The following PHF3 variants were observed in gnomAD, a reference collection of about 807,000 sequenced individuals.
PHF3 encodes the protein PHD finger protein 3.
Under a neutral mutation model 178.4 loss-of-function variants are expected in PHF3, and 41 were observed. That is an observed-to-expected ratio of 0.23 (90% CI 0.18 to 0.30). The LOEUF is 0.30. Ranked by LOEUF, PHF3 falls within the 10% of genes least tolerant of loss-of-function variation. PHF3 has a pLI of 1.00. For synonymous variants in PHF3, 842 were observed against 800.5 expected, an observed-to-expected ratio of 1.05 and a Z score of -0.88; for missense variants, 2,346 against 2,398.1, an observed-to-expected ratio of 0.98 and a Z score of 0.45.
chr6:63,645,631 G>T (rs895439565), intron 1 of PHF3, among the ~76,000 whole-genome samples: 3 of 151,820 alleles, frequency 2.0e-5, no homozygotes, highest in Non-Finnish European at 4.4e-5. Context: ...AACTTTTTTC[G>T]GTTGACTTTC....
rs751192467 is a variant in PHF3, at chr6:63,712,149, A to C, written c.4561A>C (p.Lys1521Gln). Reference sequence around the variant, plus strand: ...TGTGGAAGTAACTGATGGTGAAAACAAGGAGATAAAAGTTAAAGTAGATAA... The same window carrying C: ...TGTGGAAGTAACTGATGGTGAAAACCAGGAGATAAAAGTTAAAGTAGATAA... ...DNVEVTDGEN[K>Q]EIKVKVDNIS... Residue 1521 changes from lysine (K) to glutamine (Q), a missense_variant, in exon 16 of 16, where the codon AAG becomes CAG. Coordinates refer to ENST00000262043, the MANE Select transcript of PHF3 (RefSeq NM_001370348.2). The C allele has an allele frequency of 3.1e-6, 5 of 1,613,232 alleles. No homozygotes were observed. Among genetic ancestry groups the C allele is most frequent in the Non-Finnish European group, 4.2e-6 (5 of 1,179,670 alleles).
rs200726718 is a variant in PHF3 at position 63,713,052 on chromosome 6, A to G, written c.5464A>G (p.Asn1822Asp). The change falls in exon 16 of 16, where the codon AAT (asparagine) becomes GAT (aspartate). Residue 1822 changes from asparagine to aspartate, a missense_variant. By Grantham distance (23) the Asn-to-Asp change is conservative. Around this residue, in one of 8 missense-constraint regions of PHF3, gnomAD observed 839 missense variants for 806.9 expected, o/e 1.04. Transcript: ENST00000262043. ...PPGFPFPGPP[N>D]FPPQSMFGFP... Reference sequence around the variant, plus strand: ...TGGATTTCCATTTCCAGGGCCTCCTAATTTTCCCCCACAAAGCATGTTTGG... The same window carrying G: ...TGGATTTCCATTTCCAGGGCCTCCTGATTTTCCCCCACAAAGCATGTTTGG... The G allele has an allele frequency of 1.2e-6, 2 of 1,613,844 alleles. No homozygotes were observed. Among genetic ancestry groups the G allele is most frequent in the South Asian group, 1.1e-5 (1 of 91,070 alleles).
At chr6:63,672,183 G>A (rs981985786) in intron 2 of PHF3, among the ~76,000 whole-genome samples, 1 of 152,146 alleles carries the variant, frequency 6.6e-6, no homozygotes, top group Non-Finnish European at 1.5e-5. Context: ...TAATTAGTGG[G>A]CTGTATAAAT....
chr6:63,645,153 C>G (rs185272461), intron 1 of PHF3, among the ~76,000 whole-genome samples: 1 of 152,144 alleles, frequency 6.6e-6, no homozygotes, highest in East Asian at 1.9e-4. Flanking sequence ...GCTAGGAATA[C>G]AGGCATGAGC....
rs988990074 is a variant in PHF3, at chr6:63,720,452, A to G, written c.*6744A>G. 3.7e-5 allele frequency: 22 copies of G among 602,378 alleles called. No homozygotes were observed. The highest frequency in any genetic ancestry group is 2.1e-4 in the African/African-American group (11 of 52,590). 37.3% of individuals were successfully genotyped at this position (602,378 alleles called of 1,614,324 possible). ...TCAGAACCTTCAGTGACATTTTACA[A>G]TCTTATCAAAAAGATATGTTAGCAT... On this transcript the variant is annotated 3_prime_UTR_variant, in exon 16 of 16. Transcript: ENST00000262043.
intron 2 of PHF3, among the ~76,000 whole-genome samples, chr6:63,657,978 T>C (rs758583567): frequency 1.3e-5 from 2 of 152,208 alleles, no homozygotes; most frequent in Admixed American, 1.3e-4. Context: ...ATGGTAACTG[T>C]CCTATTTCCT....
chr6:63,706,674 A>G (rs1767707573), intron 12 of PHF3, 55 bp from the exon 13 acceptor site: 2 of 1,545,016 alleles, frequency 1.3e-6, no homozygotes, highest in Non-Finnish European at 1.8e-6. Context: ...ATGACTAGGT[A>G]GGACATTGAT....
Position 63,706,999 on chromosome 6 carries a change from T to TC in PHF3, c.3711+125dup, listed in dbSNP as rs1767721798. ...TTTATTAACAATGATTTTTAAACAGTCCAAGTAATATAATTATGAATTAAC... is the reference window on the plus strand; with the variant it reads ...TTTATTAACAATGATTTTTAAACAGTCCCAAGTAATATAATTATGAATTAAC... On this transcript the variant is annotated intron_variant, in intron 13 of 15. Transcript: ENST00000262043. 3.8e-6 allele frequency: 3 copies of TC among 795,250 alleles called. No homozygotes were observed. In the East Asian group the frequency reaches 7.9e-5, roughly 21 times the overall value. The allele number at this position is 795,250 out of a possible 1,614,324, so 49.3% of individuals were successfully genotyped here. A position where few individuals can be genotyped will look rare whatever the true frequency, so the allele number is the denominator to read the frequency against.
At chr6:63,701,579 C>A (rs1249180348) in intron 9 of PHF3, among the ~76,000 whole-genome samples, 4 of 152,088 alleles carry the variant, frequency 2.6e-5, no homozygotes, top group African/African-American at 9.7e-5. Flanking sequence ...TTATCTGATT[C>A]TTTTGTTCAT....
rs1768504972 is a variant in PHF3 at position 63,723,798 on chromosome 6, ATTATTATTAT to A, written c.*10092_*10101del. ...ATAAGTACACATTGGCATTATTATT[ATTATTATTAT>A]TATTATTATTATTATTATTATTATT... On this transcript the variant is annotated 3_prime_UTR_variant, in exon 16 of 16. Transcript: ENST00000262043. Among the ~76,000 whole-genome samples the A allele has an allele frequency of 1.3e-5, 1 of 76,286 alleles. No individual in the cohort carries two copies. The highest frequency in any genetic ancestry group is 2.9e-5 in the Non-Finnish European group (1 of 34,356). 50.0% of individuals were successfully genotyped at this position (76,286 alleles called of 152,430 possible).
chr6:63,664,758 G>C (rs955078521), intron 2 of PHF3, among the ~76,000 whole-genome samples: 2 of 152,040 alleles, frequency 1.3e-5, no homozygotes, highest in Non-Finnish European at 2.9e-5. Context: ...CTGGTTCCAA[G>C]TTGAGCTTGA....
At position 63,706,666 on chromosome 6, in the gene PHF3, G is replaced by GACTAGGTAGGACATTGATTT; in HGVS notation, c.3564-61_3564-42dup. ...ACATGCTAAAATACGAGTAACTGAT[G>GACTAGGTAGGACATTGATTT]ACTAGGTAGGACATTGATTTATTCA... is the stretch of plus-strand genomic sequence containing the variant. On this transcript the variant is annotated intron_variant, in intron 12 of 15. Transcript: ENST00000262043. 3 of 1,494,548 alleles carry GACTAGGTAGGACATTGATTT rather than the reference G, an allele frequency of 2.0e-6. 1 individual carries two copies. Among genetic ancestry groups the GACTAGGTAGGACATTGATTT allele is most frequent in the Admixed American group, 3.9e-5 (2 of 51,692 alleles). The allele number at this position is 1,494,548 out of a possible 1,614,324, so 92.6% of individuals were successfully genotyped here.
intron 2 of PHF3, among the ~76,000 whole-genome samples, chr6:63,672,771 G>T (rs1228636971): frequency 6.6e-6 from 1 of 152,192 alleles, no homozygotes; most frequent in African/African-American, 2.4e-5. Flanking sequence ...GGGAGTATGT[G>T]CCTGTAACAA....
intron 2 of PHF3, among the ~76,000 whole-genome samples, chr6:63,676,947 G>A (rs554136017): frequency 2.0e-5 from 3 of 152,248 alleles, no homozygotes; most frequent in South Asian, 2.1e-4. Context: ...AGGATATGCC[G>A]ATAGCTTGGA....
Position 63,702,559 on chromosome 6 carries a change from A to G in PHF3, c.3151A>G (p.Thr1051Ala). The change falls in exon 10 of 16, where the codon ACC (threonine) becomes GCC (alanine). Residue 1051 changes from threonine (T) to alanine (A), a missense_variant. By Grantham distance (58) the Thr-to-Ala change is moderately conservative. Coordinates refer to ENST00000262043, the MANE Select transcript of PHF3 (RefSeq NM_001370348.2). ...EQREVERRPI[T>A]KITHKGEIEI... Reference sequence around the variant, plus strand: ...GAGAGAAGTGGAACGACGGCCAATCACCAAAATAACTCATAAAGGTGAAAT... The same window carrying G: ...GAGAGAAGTGGAACGACGGCCAATCGCCAAAATAACTCATAAAGGTGAAAT... The G allele has an allele frequency of 2.5e-6, 4 of 1,613,060 alleles. No homozygotes were observed. The highest frequency in any genetic ancestry group is 3.4e-6 in the Non-Finnish European group (4 of 1,179,262).
chr6:63,665,503 T>TTTC (rs1561950652), intron 2 of PHF3, among the ~76,000 whole-genome samples: 1 of 148,908 alleles, frequency 6.7e-6, no homozygotes, highest in Admixed American at 6.7e-5. Context: ...TTTTTTTTTT[T>TTTC]TGAGACAGAG....
At chr6:63,669,277 T>A (rs1765808115) in intron 2 of PHF3, among the ~76,000 whole-genome samples, 1 of 152,222 alleles carries the variant, frequency 6.6e-6, no homozygotes, top group Non-Finnish European at 1.5e-5. Flanking sequence ...ATTTAGCTTT[T>A]AACTGTTGAT....
At chr6:63,670,661 C>A (rs552528231) in intron 2 of PHF3, among the ~76,000 whole-genome samples, 1 of 152,178 alleles carries the variant, frequency 6.6e-6, no homozygotes, top group Non-Finnish European at 1.5e-5. Flanking sequence ...TGGAGGTTCT[C>A]ATCTGTTGAG....
intron 5 of PHF3, among the ~76,000 whole-genome samples, chr6:63,694,073 C>CATT (rs1767124687): frequency 1.3e-5 from 2 of 152,104 alleles, no homozygotes; most frequent in African/African-American, 4.8e-5. Flanking sequence ...CTTTCAGGAA[C>CATT]ATTAGTAGGA....
Sources: allele counts gnomAD v4.1 joint callset (sites outside exome capture counted in the v4.1 genomes callset), GRCh38; gene constraint gnomAD v4.1.1; regional missense constraint gnomAD v4.1.1; transcripts MANE v1.5; gene names NCBI Gene and HGNC (gene_info 2026-07-23, HGNC 2026-07-21).